The following XYLT1 variants were observed in gnomAD, a reference collection of about 807,000 sequenced individuals.
XYLT1 encodes the protein beta-D-xylosyltransferase 1.
A neutral mutation model predicts 91.3 loss-of-function variants in XYLT1; 36 were observed. That is an observed-to-expected ratio of 0.39 (90% CI 0.30 to 0.52). The LOEUF is 0.52. Among genes scored for constraint, XYLT1 ranks in the 20% least tolerant of loss-of-function variants. The pLI is 0.68. For missense variants in XYLT1, 1,242 were observed against 1,284.5 expected, an observed-to-expected ratio of 0.97 and a Z score of 0.51; for synonymous variants, 588 against 532.0, an observed-to-expected ratio of 1.11 and a Z score of -1.45.
intron 1 of XYLT1, among the ~76,000 whole-genome samples, chr16:17,414,207 T>C (rs1171077510): frequency 2.0e-5 from 3 of 152,252 alleles, no homozygotes; most frequent in African/African-American, 4.8e-5. Context: ...TTGACCTCAC[T>C]GTGATGTCAC....
chr16:17,396,645 C>A (rs530604182), intron 1 of XYLT1, among the ~76,000 whole-genome samples: 1 of 152,236 alleles, frequency 6.6e-6, no homozygotes, highest in Non-Finnish European at 1.5e-5. Flanking sequence ...CCGAGGCAGG[C>A]AGATCACTTG....
intron 1 of XYLT1, among the ~76,000 whole-genome samples, chr16:17,424,414 A>T (rs1251231683): frequency 6.6e-6 from 1 of 152,186 alleles, no homozygotes; most frequent in Non-Finnish European, 1.5e-5. Context: ...ATTTATGCTG[A>T]TGTATGAGAA....
intron 1 of XYLT1, among the ~76,000 whole-genome samples, chr16:17,441,084 G>A (rs1202867393): frequency 6.6e-6 from 1 of 151,740 alleles, no homozygotes; most frequent in Non-Finnish European, 1.5e-5. Context: ...TAATTTTTTT[G>A]AGATGTATTC....
chr16:17,199,542 T>G (rs1484495872), intron 4 of XYLT1, among the ~76,000 whole-genome samples: 1 of 152,130 alleles, frequency 6.6e-6, no homozygotes, highest in East Asian at 1.9e-4. Context: ...AATCTTGAAT[T>G]GTAGCTCCCA....
chr16:17,439,315 G>A lies in XYLT1; in HGVS notation c.363+31119C>T, dbSNP rs12444513. Among the ~76,000 whole-genome samples the A allele has an allele frequency of 7.8e-3, 1,184 of 152,176 alleles. 8 individuals are homozygous for A. Among genetic ancestry groups the A allele is most frequent in the Middle Eastern group, 0.031 (9 of 294 alleles). On this transcript the variant is annotated intron_variant, in intron 1 of 11. Coordinates refer to ENST00000261381, the MANE Select transcript of XYLT1 (RefSeq NM_022166.4). ...CCAGTTATCCCCAAACAAAGTTGAC[G>A]GACAGATGGGTGAAAGATTTTTTGC...
At chr16:17,134,981 G>GCAT (rs1189617761) in intron 8 of XYLT1, among the ~76,000 whole-genome samples, 1 of 152,170 alleles carries the variant, frequency 6.6e-6, no homozygotes, top group Non-Finnish European at 1.5e-5. Context: ...TTCTTAGTAA[G>GCAT]CATCATTTAG....
In XYLT1 at chr16:17,384,810, C is replaced by T. The variant is rs906537337; in HGVS notation, c.364-26760G>A. The stretch of plus-strand genomic sequence containing the variant: ...GGTGAGTAAAAATCCGCATTCCAAA[C>T]TCATCTGACTTCTCTTTGACAGCAC... On this transcript the variant is annotated intron_variant, in intron 1 of 11. Coordinates refer to ENST00000261381, the MANE Select transcript of XYLT1 (RefSeq NM_022166.4). Among the ~76,000 whole-genome samples, 5 of 151,930 alleles carry T rather than the reference C, an allele frequency of 3.3e-5. No homozygotes were observed. In the South Asian group the frequency reaches 1.0e-3, roughly 31 times the overall value.
At chr16:17,360,357 G>C (rs2035364763) in intron 1 of XYLT1, among the ~76,000 whole-genome samples, 1 of 152,186 alleles carries the variant, frequency 6.6e-6, no homozygotes, top group Non-Finnish European at 1.5e-5. Flanking sequence ...TCTGTCAACT[G>C]TGTTGACAAA....
chr16:17,376,083 T>A (rs2035597258), intron 1 of XYLT1, among the ~76,000 whole-genome samples: 1 of 152,238 alleles, frequency 6.6e-6, no homozygotes, highest in Non-Finnish European at 1.5e-5. Context: ...CAGCCAGCGT[T>A]GCCCTAGGGC....
At chr16:17,297,187 T>C (rs1382559430) in intron 2 of XYLT1, among the ~76,000 whole-genome samples, 2 of 152,224 alleles carry the variant, frequency 1.3e-5, no homozygotes, top group Non-Finnish European at 2.9e-5. Flanking sequence ...CCTTTCCATC[T>C]GCCTCCAAAT....
At chr16:17,186,447 T>C (rs1419526683) in intron 5 of XYLT1, among the ~76,000 whole-genome samples, 1 of 147,936 alleles carries the variant, frequency 6.8e-6, no homozygotes, top group Non-Finnish European at 1.5e-5. Context: ...GTTACAGGGG[T>C]GCACCACCAC....
rs752307896 is a variant in XYLT1, at chr16:17,259,256, C to T, written c.645G>A (p.Glu215=). The change falls in exon 3 of 12, where the codon GAG becomes GAA. Residue 215 remains glutamate, a synonymous_variant. Transcript: ENST00000261381. ...GHTFPGKGPG[E]VLPPGDRAAA... is the part of the protein sequence containing the mutation. ...CGGCTCTGTCCCCGGGAGGCAGCAC[C>T]TCACCGGGGCCTTTCCCAGGGAATG... The T allele has an allele frequency of 6.2e-7, 1 of 1,614,106 alleles. No homozygotes were observed. Among genetic ancestry groups the T allele is most frequent in the Non-Finnish European group, 8.5e-7 (1 of 1,180,006 alleles).
At chr16:17,168,548 C>T (rs889784303) in intron 5 of XYLT1, among the ~76,000 whole-genome samples, 2 of 152,070 alleles carry the variant, frequency 1.3e-5, no homozygotes, top group Admixed American at 1.3e-4. Flanking sequence ...ACACAATATA[C>T]CCCTGGAGCA....
In XYLT1 at chr16:17,302,226, C is replaced by A. The variant is rs533283728; in HGVS notation, c.403-42728G>T. 3.4e-4 allele frequency among the ~76,000 whole-genome samples: 52 copies of A among 151,998 alleles called. 1 individual carries two copies. Among genetic ancestry groups the A allele is most frequent in the Middle Eastern group, 6.8e-3 (2 of 294 alleles). On this transcript the variant is annotated intron_variant, in intron 2 of 11. Coordinates refer to ENST00000261381, the MANE Select transcript of XYLT1 (RefSeq NM_022166.4). ...TCTCAAAATACTACTACTACTACTA[C>A]TACTAATAATAATAATAATAAAAAA...
intron 11 of XYLT1, 32 bp from the exon 12 acceptor site, chr16:17,109,049 G>A: frequency 6.7e-7 from 1 of 1,488,888 alleles, no homozygotes; most frequent in Non-Finnish European, 8.9e-7. Flanking sequence ...TTCAGGATCA[G>A]AAGAGCCACC....
Position 17,158,463 on chromosome 16 carries a change from G to T in XYLT1, c.1370+366C>A, listed in dbSNP as rs146999799. ...TAAGTATTTGAATGAGTGGCTGACT[G>T]AATGAACGATCTGGGGACGTTGCTT... On this transcript the variant is annotated intron_variant, in intron 6 of 11. Transcript: ENST00000261381. Among the ~76,000 whole-genome samples, 778 of 152,356 alleles carry T rather than the reference G, an allele frequency of 5.1e-3. 3 individuals are homozygous for T. The highest frequency in any genetic ancestry group is 6.8e-3 in the Admixed American group (104 of 15,308).
chr16:17,446,652 C>G (rs917954222), intron 1 of XYLT1, among the ~76,000 whole-genome samples: 2 of 152,198 alleles, frequency 1.3e-5, no homozygotes, highest in African/African-American at 4.8e-5. Flanking sequence ...TCCCTCGATT[C>G]TGCAGGTGAT....
intron 1 of XYLT1, among the ~76,000 whole-genome samples, chr16:17,390,586 T>C (rs1484967776): frequency 6.6e-6 from 1 of 152,222 alleles, no homozygotes; most frequent in Non-Finnish European, 1.5e-5. Context: ...CCAACCCCCA[T>C]CTTGCCTTTA....
chr16:17,121,235 A>C (rs1198022289), intron 10 of XYLT1, among the ~76,000 whole-genome samples: 1 of 152,236 alleles, frequency 6.6e-6, no homozygotes, highest in Non-Finnish European at 1.5e-5. Flanking sequence ...GATCCTCCAA[A>C]GAAATGAGGA....
Sources: allele counts gnomAD v4.1 joint callset (sites outside exome capture counted in the v4.1 genomes callset), GRCh38; gene constraint gnomAD v4.1.1; transcripts MANE v1.5; gene names NCBI Gene and HGNC (gene_info 2026-07-23, HGNC 2026-07-21).